Variants in GRIN2A observed in about 807,000 individuals in gnomAD.
The protein encoded by GRIN2A is glutamate ionotropic receptor NMDA type subunit 2A.
Under a neutral mutation model 113.4 loss-of-function variants are expected in GRIN2A, and 22 were observed. The ratio of observed to expected loss-of-function variants is 0.19; its 90% CI spans 0.14 to 0.28. GRIN2A has a LOEUF of 0.28. Among genes scored for constraint, GRIN2A ranks in the 10% least tolerant of loss-of-function variants. The pLI, the probability that GRIN2A is intolerant of heterozygous loss-of-function variation, is 1.00. For missense variants in GRIN2A, 1,502 were observed against 1,887.0 expected, an observed-to-expected ratio of 0.80 and a Z score of 3.78; for synonymous variants, 827 against 738.4, an observed-to-expected ratio of 1.12 and a Z score of -1.94.
chr16:10,164,323 T>C (rs2049864215), intron 2 of GRIN2A, among the ~76,000 whole-genome samples: 1 of 152,210 alleles, frequency 6.6e-6, no homozygotes, highest in African/African-American at 2.4e-5. Flanking sequence ...AAGCAGAATA[T>C]CTGTGCGTCA....
intron 2 of GRIN2A, among the ~76,000 whole-genome samples, chr16:10,178,569 C>G (rs2050196805): frequency 6.6e-6 from 1 of 152,176 alleles, no homozygotes; most frequent in Non-Finnish European, 1.5e-5. Flanking sequence ...GACAGGAGCC[C>G]CCCAAAACTG....
intron 2 of GRIN2A, among the ~76,000 whole-genome samples, chr16:10,040,026 A>ACCC: frequency 6.8e-6 from 1 of 147,210 alleles, no homozygotes; most frequent in Non-Finnish European, 1.5e-5. Context: ...CACCACACAC[A>ACCC]AATATACTAC....
intron 4 of GRIN2A, among the ~76,000 whole-genome samples, chr16:9,873,794 C>G (rs941716778): frequency 2.6e-5 from 4 of 152,200 alleles, no homozygotes; most frequent in Non-Finnish European, 4.4e-5. Flanking sequence ...GCCCTGCTTT[C>G]CTATGTTAGA....
intron 4 of GRIN2A, among the ~76,000 whole-genome samples, chr16:9,851,871 A>C (rs1281918920): frequency 6.6e-6 from 1 of 152,200 alleles, no homozygotes; most frequent in African/African-American, 2.4e-5. Context: ...TAGAGCACAA[A>C]ACCTGACATG....
intron 3 of GRIN2A, among the ~76,000 whole-genome samples, chr16:9,894,790 A>G (rs1243483166): frequency 6.6e-6 from 1 of 152,186 alleles, no homozygotes; most frequent in Non-Finnish European, 1.5e-5. Flanking sequence ...ATGTTGACAG[A>G]TCATCACCAA....
chr16:10,135,049 C>T (rs1456555645), intron 2 of GRIN2A, among the ~76,000 whole-genome samples: 2 of 152,220 alleles, frequency 1.3e-5, no homozygotes, highest in African/African-American at 4.8e-5. Context: ...CCCAAGTCAT[C>T]AAATCTTGCT....
At chr16:10,083,748 C>T (rs548555883) in intron 2 of GRIN2A, among the ~76,000 whole-genome samples, 1 of 152,288 alleles carries the variant, frequency 6.6e-6, no homozygotes, top group South Asian at 2.1e-4. Context: ...TATGAAGAGT[C>T]CTTAGATAGC....
intron 2 of GRIN2A, among the ~76,000 whole-genome samples, chr16:9,968,373 G>A (rs2045602745): frequency 6.6e-6 from 1 of 152,180 alleles, no homozygotes; most frequent in Non-Finnish European, 1.5e-5. Flanking sequence ...GAGTGCAATG[G>A]TACGATCTTG....
rs187406343 is a variant in GRIN2A at position 10,160,082 on chromosome 16, C to T, written c.414+19916G>A. Among the ~76,000 whole-genome samples, 61 of 152,332 alleles carry T rather than the reference C, an allele frequency of 4.0e-4. 1 individual carries two copies. The South Asian group carries it at 7.3e-3, about 18-fold the overall frequency. On this transcript the variant is annotated intron_variant, in intron 2 of 12. Coordinates refer to ENST00000330684, the MANE Select transcript of GRIN2A (RefSeq NM_001134407.3). Reference sequence around the variant, plus strand: ...GGGAACCTGATTTCAGACTTCTGCCCTCCAGGGCTGTAAGAGGGTAAAAGT... The same window carrying T: ...GGGAACCTGATTTCAGACTTCTGCCTTCCAGGGCTGTAAGAGGGTAAAAGT...
At chr16:10,039,965 A>ATACACC (rs2047122671) in intron 2 of GRIN2A, among the ~76,000 whole-genome samples, 2 of 11,420 alleles carry the variant, frequency 1.8e-4, no homozygotes, top group African/African-American at 2.8e-4. Flanking sequence ...AACCCACAAA[A>ATACACC]ACACACAATA....
chr16:9,897,496 C>T (rs1380062518), intron 3 of GRIN2A, among the ~76,000 whole-genome samples: 2 of 152,074 alleles, frequency 1.3e-5, no homozygotes, highest in South Asian at 2.1e-4. Flanking sequence ...CCACCAACCA[C>T]GTGTAGCTAT....
intron 2 of GRIN2A, among the ~76,000 whole-genome samples, chr16:10,139,902 C>T (rs1326182420): frequency 6.6e-6 from 1 of 151,980 alleles, no homozygotes; most frequent in Non-Finnish European, 1.5e-5. Context: ...ATCTTGGCTC[C>T]CTGCAACCTC....
chr16:9,927,098 T>C (rs540561067), intron 3 of GRIN2A, among the ~76,000 whole-genome samples: 13 of 152,350 alleles, frequency 8.5e-5, no homozygotes, highest in East Asian at 7.7e-4. Context: ...TTATCTGTAA[T>C]ATGAATCATG....
chr16:9,787,946 G>A (rs1385345483), intron 11 of GRIN2A, among the ~76,000 whole-genome samples: 1 of 152,182 alleles, frequency 6.6e-6, no homozygotes, highest in African/African-American at 2.4e-5. Context: ...GGAAGCCATC[G>A]AAAGACAGAT....
chr16:9,998,713 G>A (rs1277742093), intron 2 of GRIN2A, among the ~76,000 whole-genome samples: 2 of 151,836 alleles, frequency 1.3e-5, no homozygotes, highest in East Asian at 3.9e-4. Flanking sequence ...ACTAATTTCA[G>A]AATCAGTCTC....
At chr16:10,066,089 G>C (rs1214583835) in intron 2 of GRIN2A, among the ~76,000 whole-genome samples, 2 of 152,152 alleles carry the variant, frequency 1.3e-5, no homozygotes, top group East Asian at 3.8e-4. Flanking sequence ...CACATCTTAG[G>C]AACTGACTAG....
intron 2 of GRIN2A, among the ~76,000 whole-genome samples, chr16:10,064,320 G>A (rs1452901744): frequency 2.0e-5 from 3 of 152,116 alleles, no homozygotes; most frequent in South Asian, 2.1e-4. Context: ...CACTTCGTTC[G>A]CCCATTTTGG....
chr16:9,911,619 C>T (rs1189662077), intron 3 of GRIN2A, among the ~76,000 whole-genome samples: 1 of 152,048 alleles, frequency 6.6e-6, no homozygotes, highest in Non-Finnish European at 1.5e-5. Context: ...TAATATTAGC[C>T]CATGAATGTT....
intron 11 of GRIN2A, among the ~76,000 whole-genome samples, chr16:9,771,087 T>C (rs576255375): frequency 1.5e-4 from 23 of 152,294 alleles, no homozygotes; most frequent in African/African-American, 5.5e-4. Context: ...TCACCACCCT[T>C]TTCATTGTCA....
Sources: gnomAD v4.1 joint callset for allele counts (sites outside exome capture counted in the v4.1 genomes callset) on GRCh38, gnomAD v4.1.1 for gene constraint, MANE v1.5 for transcripts, NCBI Gene and HGNC (gene_info 2026-07-23, HGNC 2026-07-21) for gene names.